Variants in TTC29 observed in about 807,000 individuals in gnomAD.
TTC29 encodes the protein tetratricopeptide repeat protein 29.
TTC29 carries 49 observed loss-of-function variants against 58.1 expected under a neutral mutation model. That is an observed-to-expected ratio of 0.84 (90% CI 0.67 to 1.07). The LOEUF (loss-of-function observed/expected upper bound fraction) is 1.07, where lower values mean the gene tolerates loss of function less well. Ranked by LOEUF, TTC29 falls within the 50% of genes least tolerant of loss-of-function variation. TTC29 has a pLI of 0.00. For synonymous variants in TTC29, 209 were observed against 196.8 expected (o/e 1.06, Z -0.52); for missense variants, 582 against 555.6 (o/e 1.05, Z -0.48).
At position 146,799,464 on chromosome 4, in the gene TTC29, G is replaced by A. The variant is rs1246065635; in HGVS notation, c.1330+3993C>T. Among the ~76,000 whole-genome samples the A allele has an allele frequency of 4.6e-5, 7 of 151,990 alleles. No individual in the cohort carries two copies. The East Asian group carries it at 1.4e-3, about 29-fold the overall frequency. ...AACATGACTCAATATTAAGCCCAGG[G>A]ACCCACATTAAGCCAACATAAACCA... On this transcript the variant is annotated intron_variant, in intron 11 of 12. Transcript: ENST00000325106.
chr4:146,830,928 G>C (rs1332532704), intron 9 of TTC29, among the ~76,000 whole-genome samples: 1 of 152,128 alleles, frequency 6.6e-6, no homozygotes, highest in Non-Finnish European at 1.5e-5. Flanking sequence ...CGCTATTCAG[G>C]ATGCTGTTGT....
At chr4:146,803,267 C>T (rs1750359496) in intron 11 of TTC29, among the ~76,000 whole-genome samples, 190 bp downstream of exon 11, 1 of 151,860 alleles carries the variant, frequency 6.6e-6, no homozygotes, top group African/African-American at 2.4e-5. Context: ...CTATTTTATG[C>T]TTCTCTTAAA....
At chr4:146,861,821 A>G (rs1449827104) in intron 8 of TTC29, among the ~76,000 whole-genome samples, 1 of 152,178 alleles carries the variant, frequency 6.6e-6, no homozygotes, top group Non-Finnish European at 1.5e-5. Flanking sequence ...GATGAATAAC[A>G]TTATTGGAAG....
At chr4:146,775,334 T>C (rs774410233) in intron 11 of TTC29, among the ~76,000 whole-genome samples, 3 of 152,184 alleles carry the variant, frequency 2.0e-5, no homozygotes, top group African/African-American at 4.8e-5. Context: ...GTGATTGCTT[T>C]ATAGTGCCAA....
chr4:146,818,840 A>C (rs1164164742), intron 10 of TTC29, among the ~76,000 whole-genome samples: 3 of 152,114 alleles, frequency 2.0e-5, no homozygotes, highest in Non-Finnish European at 2.9e-5. Context: ...AAGGACAAAA[A>C]ACCAAACACC....
intron 11 of TTC29, among the ~76,000 whole-genome samples, chr4:146,721,727 G>C (rs1298463962): frequency 6.6e-6 from 1 of 151,960 alleles, no homozygotes; most frequent in East Asian, 1.9e-4. Context: ...TGAAACGCCA[G>C]ATTAAAAAAA....
chr4:146,924,189 A>G (rs1305848914), intron 4 of TTC29, among the ~76,000 whole-genome samples: 1 of 151,820 alleles, frequency 6.6e-6, no homozygotes, highest in African/African-American at 2.4e-5. Flanking sequence ...CATCTCCTTA[A>G]CCCTAATTAA....
At chr4:146,941,817 G>C (rs941029007) in intron 2 of TTC29, among the ~76,000 whole-genome samples, 1 of 152,262 alleles carries the variant, frequency 6.6e-6, no homozygotes, top group South Asian at 2.1e-4. Flanking sequence ...AGACTGTAGT[G>C]GGGGAAAGGG....
At position 146,867,557 on chromosome 4, in the gene TTC29, C is replaced by T. The variant is rs10013280; in HGVS notation, c.826G>A (p.Ala276Thr). 0.33 allele frequency: 508,411 copies of T among 1,530,488 alleles called. 86,298 individuals carry two copies. The highest frequency in any genetic ancestry group is 0.43 in the South Asian group (33,126 of 77,854). The allele number at this position is 1,530,488 out of a possible 1,614,324, so 94.8% of individuals were successfully genotyped here. The change falls in exon 8 of 13, where the codon GCC (alanine) becomes ACC (threonine). Residue 276 changes from alanine to threonine, a missense_variant. Physicochemically the swap from Ala to Thr is moderately conservative, Grantham distance 58. Transcript: ENST00000325106. Reference protein sequence around the residue: ...EGSDKKMEAEASYYLGLAHLA... With the variant: ...EGSDKKMEAETSYYLGLAHLA... ...TGTGCTAAGCCCAAGTAGTAAGAGGCTTCCGCTTCCATCTTTTTGTCACTT... is the reference window on the plus strand; with the variant it reads ...TGTGCTAAGCCCAAGTAGTAAGAGGTTTCCGCTTCCATCTTTTTGTCACTT...
intron 9 of TTC29, among the ~76,000 whole-genome samples, chr4:146,824,789 G>A (rs1036194576): frequency 3.3e-5 from 5 of 152,048 alleles, no homozygotes; most frequent in African/African-American, 1.2e-4. Context: ...GCTTGTTATT[G>A]GTCTATTCAG....
chr4:146,920,784 T>A (rs1292233521), intron 4 of TTC29, among the ~76,000 whole-genome samples: 3 of 151,044 alleles, frequency 2.0e-5, no homozygotes, highest in Admixed American at 6.6e-5. Context: ...ATTCTATATG[T>A]CTTGGGTGAG....
intron 4 of TTC29, among the ~76,000 whole-genome samples, chr4:146,930,118 T>TATATATATATATATATATAC (rs1334021950): frequency 3.1e-5 from 4 of 128,880 alleles, no homozygotes; most frequent in Non-Finnish European, 6.5e-5. Flanking sequence ...TATATATATA[T>TATATATATATATATATATAC]ACACACATAT....
intron 4 of TTC29, among the ~76,000 whole-genome samples, chr4:146,930,849 C>A (rs947300759): frequency 6.6e-6 from 1 of 152,078 alleles, no homozygotes; most frequent in African/African-American, 2.4e-5. Context: ...CTCCTTTTAT[C>A]TTTTTTTATT....
At chr4:146,923,067 C>T (rs1995811) in intron 4 of TTC29, among the ~76,000 whole-genome samples, 96 of 151,514 alleles carry the variant, frequency 6.3e-4, no homozygotes, top group African/African-American at 2.0e-3. Context: ...AGCATTGAAA[C>T]GGATAAAAAA....
intron 8 of TTC29, among the ~76,000 whole-genome samples, chr4:146,862,141 C>T (rs1465533488): frequency 6.6e-6 from 1 of 151,910 alleles, no homozygotes; most frequent in Non-Finnish European, 1.5e-5. Flanking sequence ...AAAAGAGGAT[C>T]TCGAAAGAAA....
chr4:146,757,476 A>G (rs1328006977), intron 11 of TTC29, among the ~76,000 whole-genome samples: 2 of 152,182 alleles, frequency 1.3e-5, no homozygotes, highest in African/African-American at 4.8e-5. Context: ...ACACCTGGGA[A>G]ATTCATGGCA....
chr4:146,877,765 T>G (rs75271304), intron 6 of TTC29, among the ~76,000 whole-genome samples: 3,225 of 152,284 alleles, frequency 0.021, 128 homozygotes, highest in African/African-American at 0.072. Context: ...GGATGTAGAA[T>G]ACTGTGAGAA....
At chr4:146,884,066 A>T (rs1181606336) in intron 6 of TTC29, among the ~76,000 whole-genome samples, 1 of 152,100 alleles carries the variant, frequency 6.6e-6, no homozygotes, top group African/African-American at 2.4e-5. Flanking sequence ...TGTGGCTATC[A>T]ATACTTAAAA....
At chr4:146,710,661 T>C (rs1041482713) in intron 11 of TTC29, among the ~76,000 whole-genome samples, 2 of 152,072 alleles carry the variant, frequency 1.3e-5, no homozygotes, top group African/African-American at 2.4e-5. Flanking sequence ...TCAAGGGAGC[T>C]GGAAGACTGG....
Sources: allele counts gnomAD v4.1 joint callset (sites outside exome capture counted in the v4.1 genomes callset), GRCh38; gene constraint gnomAD v4.1.1; transcripts MANE v1.5; gene names NCBI Gene and HGNC (gene_info 2026-07-23, HGNC 2026-07-21).